The following NOL4 variants were observed in gnomAD, a reference collection of about 807,000 sequenced individuals.
NOL4 encodes cancer/testis antigen 125.
In NOL4, 17 loss-of-function variants were observed where a neutral mutation model predicts 75.9. That is an observed-to-expected ratio of 0.22 (90% CI 0.15 to 0.34). The LOEUF (loss-of-function observed/expected upper bound fraction) is 0.34, where lower values mean the gene tolerates loss of function less well. Ranked by LOEUF, NOL4 falls within the 10% of genes least tolerant of loss-of-function variation. The probability of loss-of-function intolerance (pLI) is 1.00; values close to 1 mark genes in which losing one functional copy is unlikely to be tolerated. For synonymous variants in NOL4, 292 were observed against 289.9 expected, an observed-to-expected ratio of 1.01 and a Z score of -0.07; for missense variants, 614 against 793.5, an observed-to-expected ratio of 0.77 and a Z score of 2.72.
chr18:33,881,620 C>T (rs1246670706), intron 10 of NOL4, among the ~76,000 whole-genome samples: 2 of 151,978 alleles, frequency 1.3e-5, no homozygotes, highest in Admixed American at 6.6e-5. Context: ...GTGAAAATGG[C>T]CATACTGCCC....
intron 9 of NOL4, among the ~76,000 whole-genome samples, chr18:33,907,912 A>T (rs771933594): frequency 6.6e-6 from 1 of 152,160 alleles, no homozygotes; most frequent in Non-Finnish European, 1.5e-5. Context: ...TGCTGTTTTG[A>T]CTGTAACATT....
At chr18:33,854,788 A>G (rs1186459343) in intron 10 of NOL4, among the ~76,000 whole-genome samples, 1 of 151,698 alleles carries the variant, frequency 6.6e-6, no homozygotes, top group Non-Finnish European at 1.5e-5. Flanking sequence ...TTTGCTGTCA[A>G]TCCAAGTTGA....
intron 9 of NOL4, among the ~76,000 whole-genome samples, chr18:33,890,064 G>T (rs918235123): frequency 1.3e-5 from 2 of 152,042 alleles, no homozygotes; most frequent in African/African-American, 4.8e-5. Context: ...AAGAAATAAA[G>T]CATATTCAGT....
At chr18:34,217,285 T>C (rs1036445583) in intron 1 of NOL4, among the ~76,000 whole-genome samples, 1 of 152,008 alleles carries the variant, frequency 6.6e-6, no homozygotes, top group African/African-American at 2.4e-5. Flanking sequence ...TCTTTTTTTT[T>C]ATTTATTTAT....
chr18:34,165,306 T>G (rs1364141365), intron 1 of NOL4, among the ~76,000 whole-genome samples: 1 of 152,182 alleles, frequency 6.6e-6, no homozygotes, highest in African/African-American at 2.4e-5. Context: ...GTTTACATCC[T>G]TAGTATCTCA....
chr18:34,145,281 G>C (rs2081351173), intron 1 of NOL4, among the ~76,000 whole-genome samples: 1 of 151,954 alleles, frequency 6.6e-6, no homozygotes, highest in South Asian at 2.1e-4. Flanking sequence ...AATGAAAATA[G>C]TTATTACCTT....
chr18:33,950,863 T>C (rs932053314), intron 8 of NOL4, among the ~76,000 whole-genome samples: 6 of 152,150 alleles, frequency 3.9e-5, no homozygotes, highest in African/African-American at 1.4e-4. Flanking sequence ...TCAGATTAAA[T>C]TGCATTTTAT....
At chr18:34,064,656 TA>T (rs1403034467) in intron 5 of NOL4, among the ~76,000 whole-genome samples, 3 of 151,970 alleles carry the variant, frequency 2.0e-5, no homozygotes, top group Non-Finnish European at 2.9e-5. Context: ...TCTAAAATGA[TA>T]AATAAATATG....
chr18:34,084,136 A>C (rs2078137519), intron 5 of NOL4, among the ~76,000 whole-genome samples: 2 of 152,300 alleles, frequency 1.3e-5, no homozygotes, highest in East Asian at 3.9e-4. Flanking sequence ...GGTCTCACAC[A>C]GTCATGAGGA....
At chr18:33,968,791 C>A (rs752737111) in intron 6 of NOL4, among the ~76,000 whole-genome samples, 8 of 152,080 alleles carry the variant, frequency 5.3e-5, no homozygotes, top group Admixed American at 2.6e-4. Context: ...TTAAAAAAAT[C>A]TTCTAAGTGC....
At chr18:34,065,116 C>G (rs1307934837) in intron 5 of NOL4, among the ~76,000 whole-genome samples, 1 of 151,856 alleles carries the variant, frequency 6.6e-6, no homozygotes, top group Non-Finnish European at 1.5e-5. Flanking sequence ...ATCACTACGT[C>G]CTTTAGCAGA....
intron 1 of NOL4, chr18:34,222,316 T>G: frequency 7.1e-6 from 9 of 1,268,498 alleles, no homozygotes; most frequent in Middle Eastern, 3.1e-4. Flanking sequence ...CGGCTTTATT[T>G]GTGGAAGAGG....
intron 1 of NOL4, among the ~76,000 whole-genome samples, chr18:34,146,111 G>C (rs1414510961): frequency 6.6e-6 from 1 of 151,872 alleles, no homozygotes; most frequent in African/African-American, 2.4e-5. Flanking sequence ...GTCTTCCAAG[G>C]GACTTTCCAT....
At chr18:34,072,673 A>G (rs1400038179) in intron 5 of NOL4, among the ~76,000 whole-genome samples, 1 of 152,204 alleles carries the variant, frequency 6.6e-6, no homozygotes, top group Non-Finnish European at 1.5e-5. Context: ...ACGAACATTT[A>G]CCAAGTCAGG....
intron 6 of NOL4, among the ~76,000 whole-genome samples, chr18:33,974,925 A>G (rs2071373970): frequency 1.3e-5 from 2 of 152,198 alleles, no homozygotes; most frequent in Admixed American, 1.3e-4. Context: ...TCAACTGTCC[A>G]TGGCTGGATG....
chr18:33,969,907 T>C (rs765179041), intron 6 of NOL4, among the ~76,000 whole-genome samples: 1 of 152,180 alleles, frequency 6.6e-6, no homozygotes, highest in Non-Finnish European at 1.5e-5. Context: ...TTTAGGCACT[T>C]CAAAATGATA....
intron 9 of NOL4, among the ~76,000 whole-genome samples, chr18:33,940,630 T>C (rs1041752457): frequency 6.6e-6 from 1 of 151,896 alleles, no homozygotes; most frequent in East Asian, 1.9e-4. Flanking sequence ...CAAACCACCA[T>C]GGCACATGTA....
chr18:34,023,208 T>A (rs1415492978), intron 5 of NOL4, among the ~76,000 whole-genome samples: 1 of 152,084 alleles, frequency 6.6e-6, no homozygotes, highest in Non-Finnish European at 1.5e-5. Flanking sequence ...TAAAACAAAG[T>A]TTTTGATGTC....
intron 9 of NOL4, among the ~76,000 whole-genome samples, chr18:33,926,696 G>A (rs2067354079): frequency 6.6e-6 from 1 of 152,070 alleles, no homozygotes; most frequent in Non-Finnish European, 1.5e-5. Flanking sequence ...TCACTCCCAG[G>A]TTCAAGCAAT....
Sources: allele counts gnomAD v4.1 joint callset (sites outside exome capture counted in the v4.1 genomes callset), GRCh38; gene constraint gnomAD v4.1.1; transcripts MANE v1.5; gene names NCBI Gene and HGNC (gene_info 2026-07-23, HGNC 2026-07-21).